Variants in MYO16 observed in about 807,000 individuals in gnomAD.
MYO16 encodes the protein myosin XVI, also known as unconventional myosin-XVI.
MYO16 carries 94 observed loss-of-function variants against 205.3 expected under a neutral mutation model. The ratio of observed to expected loss-of-function variants is 0.46; its 90% CI spans 0.39 to 0.54. The LOEUF is 0.54. Ranked by LOEUF, MYO16 falls within the 20% of genes least tolerant of loss-of-function variation. The pLI is 0.00. For missense variants in MYO16, 2,315 were observed against 2,387.5 expected (o/e 0.97, Z 0.63); for synonymous variants, 988 against 954.0 (o/e 1.04, Z -0.66).
intron 16 of MYO16, among the ~76,000 whole-genome samples, chr13:108,955,050 C>T (rs188953479): frequency 4.0e-4 from 61 of 152,322 alleles, no homozygotes; most frequent in East Asian, 1.9e-4. Context: ...TAGGTTCCCA[C>T]GACCTTCACC....
intron 24 of MYO16, among the ~76,000 whole-genome samples, chr13:109,047,227 A>G (rs1283175989): frequency 6.6e-6 from 1 of 152,182 alleles, no homozygotes; most frequent in Non-Finnish European, 1.5e-5. Context: ...GCAGATAGAA[A>G]TGTAAAATAC....
At chr13:109,174,470 A>T (rs1265655884) in intron 33 of MYO16, among the ~76,000 whole-genome samples, 5 of 152,160 alleles carry the variant, frequency 3.3e-5, no homozygotes, top group African/African-American at 1.2e-4. Context: ...AGAAATTTAC[A>T]TTGAGAAGGG....
chr13:109,079,434 A>G (rs1349955380), intron 27 of MYO16, among the ~76,000 whole-genome samples: 2 of 152,000 alleles, frequency 1.3e-5, no homozygotes, highest in African/African-American at 4.8e-5. Context: ...CTATGCAGCC[A>G]TAAAATTGAA....
intron 1 of MYO16, among the ~76,000 whole-genome samples, chr13:108,642,572 C>A (rs1294915497): frequency 6.6e-6 from 1 of 152,104 alleles, no homozygotes; most frequent in Non-Finnish European, 1.5e-5. Flanking sequence ...CATGCACCAC[C>A]ACGCCCAGCT....
intron 8 of MYO16, among the ~76,000 whole-genome samples, 155 bp downstream of exon 8, chr13:108,820,567 C>T (rs975761992): frequency 7.9e-5 from 12 of 152,106 alleles, no homozygotes; most frequent in Admixed American, 6.6e-5. Flanking sequence ...AATTCATCAT[C>T]GCCTATGTAC....
chr13:108,857,406 C>T (rs541559937), intron 11 of MYO16, among the ~76,000 whole-genome samples: 1 of 152,122 alleles, frequency 6.6e-6, no homozygotes, highest in Non-Finnish European at 1.5e-5. Context: ...TTCTAACGTA[C>T]CTTCTCCAAT....
chr13:108,818,541 G>T (rs1674434631), intron 7 of MYO16, among the ~76,000 whole-genome samples: 1 of 152,072 alleles, frequency 6.6e-6, no homozygotes, highest in South Asian at 2.1e-4. Flanking sequence ...TGATTGAACT[G>T]TTAAGCAAAA....
At chr13:108,731,476 G>A (rs921946357) in intron 4 of MYO16, among the ~76,000 whole-genome samples, 1 of 152,088 alleles carries the variant, frequency 6.6e-6, no homozygotes, top group African/African-American at 2.4e-5. Flanking sequence ...GCTTGCTTTA[G>A]CACACAAATC....
chr13:108,723,388 G>T (rs1414944844), intron 3 of MYO16, among the ~76,000 whole-genome samples: 1 of 152,014 alleles, frequency 6.6e-6, no homozygotes, highest in Non-Finnish European at 1.5e-5. Flanking sequence ...TATTTCCCCT[G>T]ATAGGCTGCA....
chr13:108,711,597 C>T (rs1011705707), intron 2 of MYO16, among the ~76,000 whole-genome samples: 2 of 152,178 alleles, frequency 1.3e-5, no homozygotes, highest in Non-Finnish European at 2.9e-5. Flanking sequence ...TTTGCATAGT[C>T]ACGATGTCTG....
intron 27 of MYO16, among the ~76,000 whole-genome samples, chr13:109,086,658 T>G (rs1393081150): frequency 6.6e-6 from 1 of 152,206 alleles, no homozygotes; most frequent in Non-Finnish European, 1.5e-5. Context: ...TATTTACAAA[T>G]AGTGAAAGTA....
At chr13:108,886,059 C>A (rs1019820042) in intron 13 of MYO16, among the ~76,000 whole-genome samples, 2 of 152,012 alleles carry the variant, frequency 1.3e-5, no homozygotes, top group Non-Finnish European at 2.9e-5. Flanking sequence ...GCGATCTGGG[C>A]TCACTGCAAG....
intron 16 of MYO16, among the ~76,000 whole-genome samples, chr13:108,932,022 T>C (rs1046086376): frequency 6.6e-6 from 1 of 152,218 alleles, no homozygotes; most frequent in Non-Finnish European, 1.5e-5. Context: ...TATCACTCTG[T>C]GCTTCATTCC....
the MYO16 span, among the ~76,000 whole-genome samples, chr13:108,588,658 G>A: frequency 6.6e-6 from 1 of 152,080 alleles, no homozygotes; most frequent in African/African-American, 2.4e-5. Flanking sequence ...AGTCATTCAT[G>A]GTTGAGTAGT....
intron 2 of MYO16, among the ~76,000 whole-genome samples, chr13:108,704,567 G>C (rs910575019): frequency 1.7e-4 from 26 of 152,006 alleles, no homozygotes; most frequent in African/African-American, 6.3e-4. Flanking sequence ...AAATTAAGGG[G>C]AAGATACAGA....
At position 108,709,909 on chromosome 13, in the gene MYO16, C is replaced by T. The variant is rs370702584; in HGVS notation, c.293-2752C>T. On this transcript the variant is annotated intron_variant, in intron 2 of 34. Transcript: ENST00000457511. ...TATGGTTCCATCTTGATCATGCAAA[C>T]AGCCCTCTCAAAAAAACTGTCCTAT... Among the ~76,000 whole-genome samples the T allele has an allele frequency of 2.2e-4, 29 of 134,560 alleles. 3 individuals carry two copies. In the East Asian group the frequency reaches 2.4e-3, roughly 11 times the overall value. The allele number at this position is 134,560 out of a possible 152,430, so 88.3% of individuals were successfully genotyped here.
At chr13:108,504,005 A>T in the MYO16 span, among the ~76,000 whole-genome samples, 1 of 151,968 alleles carries the variant, frequency 6.6e-6, no homozygotes, top group Non-Finnish European at 1.5e-5. Flanking sequence ...GTTTTTTTAA[A>T]TTGTGGTAAA....
At chr13:109,185,977 C>G (rs143973350) in intron 34 of MYO16, among the ~76,000 whole-genome samples, 198 of 152,136 alleles carry the variant, frequency 1.3e-3, no homozygotes, top group African/African-American at 4.4e-3. Flanking sequence ...ACATGCATCT[C>G]CCACTTGTTA....
chr13:108,808,721 A>G (rs1456955320), intron 7 of MYO16, among the ~76,000 whole-genome samples: 3 of 152,044 alleles, frequency 2.0e-5, no homozygotes, highest in Non-Finnish European at 4.4e-5. Flanking sequence ...TGTGGTAAAA[A>G]AAAATCTGTA....
Sources: allele counts gnomAD v4.1 joint callset (sites outside exome capture counted in the v4.1 genomes callset), GRCh38; gene constraint gnomAD v4.1.1; transcripts MANE v1.5; gene names NCBI Gene and HGNC (gene_info 2026-07-23, HGNC 2026-07-21).